EVA1C: variants seen among roughly 807,000 people sequenced by gnomAD.
EVA1C encodes protein eva-1 homolog C.
Under a neutral mutation model 45.4 loss-of-function variants are expected in EVA1C, and 25 were observed. The observed-to-expected ratio is 0.55, with a 90% CI of 0.40 to 0.77. The LOEUF (loss-of-function observed/expected upper bound fraction) is 0.77, where lower values mean the gene tolerates loss of function less well. Ranked by LOEUF, EVA1C falls within the 30% of genes least tolerant of loss-of-function variation. The pLI is 0.00. For missense variants in EVA1C, 479 were observed against 554.8 expected (o/e 0.86, Z 1.37); for synonymous variants, 190 against 221.2 (o/e 0.86, Z 1.25).
At chr21:32,438,322 C>A (rs1315712104) in intron 1 of EVA1C, among the ~76,000 whole-genome samples, 2 of 151,820 alleles carry the variant, frequency 1.3e-5, no homozygotes, top group Admixed American at 1.3e-4. Flanking sequence ...TATGGCAAAA[C>A]CCCATCTCTA....
In EVA1C at chr21:32,515,181, G is replaced by A. The variant is rs564813412; in HGVS notation, c.1317G>A (p.Gln439=). 92 of 1,581,090 alleles carry A rather than the reference G, an allele frequency of 5.8e-5. No individual in the cohort carries two copies. The highest frequency in any genetic ancestry group is 5.1e-4 in the Middle Eastern group (3 of 5,894). The change falls in exon 8 of 8, where the codon CAG becomes CAA. Residue 439 remains glutamine (Q), a synonymous_variant. Coordinates refer to ENST00000300255, the MANE Select transcript of EVA1C (RefSeq NM_058187.5). ...CCTCGCTCCCAAGAAACATGGGCCA[G>A]TTCTACTGAAAACCACATGCATCTT... The part of the protein sequence containing the change: ...LDTSLPRNMG[Q]FY
intron 5 of EVA1C, chr21:32,497,357 G>A (rs1357105844): frequency 4.7e-6 from 2 of 428,792 alleles, no homozygotes; most frequent in African/African-American, 4.1e-5. Context: ...AGAAACCATG[G>A]GTTTCCTGGG....
chr21:32,487,494 T>C (rs2037010149), intron 4 of EVA1C, among the ~76,000 whole-genome samples: 1 of 152,018 alleles, frequency 6.6e-6, no homozygotes, highest in Admixed American at 6.6e-5. Flanking sequence ...CCAAGGCAGG[T>C]GGATCACCTG....
At chr21:32,496,881 T>C in intron 5 of EVA1C, 2 of 1,069,112 alleles carry the variant, frequency 1.9e-6, no homozygotes, top group Non-Finnish European at 2.9e-6. Flanking sequence ...TATTCAGAGT[T>C]GATGTTGGAG....
intron 1 of EVA1C, among the ~76,000 whole-genome samples, chr21:32,420,114 T>A (rs940259614): frequency 3.0e-4 from 45 of 152,304 alleles, no homozygotes; most frequent in Admixed American, 1.3e-4. Flanking sequence ...TTGGTTTCCC[T>A]CAGTATGAGT....
intron 2 of EVA1C, 95 bp from the exon 3 acceptor site, chr21:32,457,502 C>T: frequency 1.3e-6 from 2 of 1,502,894 alleles, no homozygotes; most frequent in Non-Finnish European, 9.2e-7. Context: ...GGGAGGCGTC[C>T]TTCCCTTTGC....
At chr21:32,441,016 C>T (rs568845448) in intron 1 of EVA1C, among the ~76,000 whole-genome samples, 1 of 152,156 alleles carries the variant, frequency 6.6e-6, no homozygotes, top group Non-Finnish European at 1.5e-5. Flanking sequence ...GCAAGAGAAT[C>T]GCTTGAGTCC....
intron 7 of EVA1C, among the ~76,000 whole-genome samples, 181 bp downstream of exon 7, chr21:32,504,196 C>T (rs191107932): frequency 2.5e-4 from 38 of 152,312 alleles, no homozygotes; most frequent in Non-Finnish European, 4.6e-4. Flanking sequence ...CAGTTGTAAC[C>T]AGGCAGTCAG....
Position 32,474,126 on chromosome 21 carries a change from C to A in EVA1C, c.634+6278C>A. 4.9e-6 allele frequency: 1 copy of A among 203,994 alleles called. No individual in the cohort carries two copies. 12.6% of individuals were successfully genotyped at this position (203,994 alleles called of 1,614,324 possible). ...ATGAAGTCTTGCTATTTTGCCCAGG[C>A]TGGTCTTCAACTCCTGGCCTCAAGT... is the stretch of plus-strand genomic sequence containing the variant. On this transcript the variant is annotated intron_variant, in intron 4 of 7. Transcript: ENST00000300255. The surrounding 1 kb of genome is among the most constrained non-coding windows in gnomAD (Gnocchi z 4.4).
intron 1 of EVA1C, among the ~76,000 whole-genome samples, chr21:32,418,478 C>G (rs2034139298): frequency 6.6e-6 from 1 of 152,160 alleles, no homozygotes; most frequent in Non-Finnish European, 1.5e-5. Flanking sequence ...GGGAGCCTAG[C>G]AGCAGTTTCA....
At chr21:32,446,581 C>A (rs750256486) in intron 1 of EVA1C, among the ~76,000 whole-genome samples, 14 of 152,186 alleles carry the variant, frequency 9.2e-5, no homozygotes, top group Non-Finnish European at 1.8e-4. Flanking sequence ...CATGACTCTG[C>A]CCAGCACACT....
chr21:32,413,619 C>T (rs932636468), intron 1 of EVA1C, among the ~76,000 whole-genome samples: 2 of 152,224 alleles, frequency 1.3e-5, no homozygotes, highest in Non-Finnish European at 2.9e-5. Flanking sequence ...ATAATGACTT[C>T]CTACTCTCGA....
chr21:32,500,926 G>C (rs2037509196), intron 5 of EVA1C, among the ~76,000 whole-genome samples: 2 of 151,942 alleles, frequency 1.3e-5, no homozygotes, highest in South Asian at 2.1e-4. Context: ...AATTCTCCCT[G>C]CTTTAGCCTC....
intron 4 of EVA1C, among the ~76,000 whole-genome samples, chr21:32,479,597 C>T (rs1011130476): frequency 7.2e-5 from 11 of 152,188 alleles, no homozygotes. Flanking sequence ...TCTTGGGCCT[C>T]TTCCTGTGGG....
intron 1 of EVA1C, among the ~76,000 whole-genome samples, chr21:32,447,957 G>A (rs959177411): frequency 1.3e-5 from 2 of 151,976 alleles, no homozygotes; most frequent in African/African-American, 4.8e-5. Context: ...CGCCTGCCTC[G>A]GCCTCCCAAA....
At chr21:32,428,278 T>C (rs551607794) in intron 1 of EVA1C, 4 of 152,276 alleles carry the variant, frequency 2.6e-5, no homozygotes, top group East Asian at 1.9e-4. Context: ...AAAGTTCCCT[T>C]AAAGCCCTGA....
Position 32,455,451 on chromosome 21 carries a change from G to T in EVA1C, c.357+1943G>T, listed in dbSNP as rs1421266924. The stretch of plus-strand genomic sequence containing the variant: ...CAATTACATTTCAATGTGAGTTTTG[G>T]GGGGGATAAACATTCCAGCCATAGC... On this transcript the variant is annotated intron_variant, in intron 2 of 7. Transcript: ENST00000300255. Among the ~76,000 whole-genome samples the T allele has an allele frequency of 2.6e-5, 4 of 151,882 alleles. No individual in the cohort carries two copies. The East Asian group carries it at 5.8e-4, about 22-fold the overall frequency.
At chr21:32,442,187 GT>G (rs1460719509) in intron 1 of EVA1C, among the ~76,000 whole-genome samples, 1 of 152,170 alleles carries the variant, frequency 6.6e-6, no homozygotes, top group African/African-American at 2.4e-5. Flanking sequence ...TCTGTGGTTT[GT>G]TTCAGGACTA....
chr21:32,514,138 G>A (rs982046031), intron 7 of EVA1C, among the ~76,000 whole-genome samples: 3 of 152,128 alleles, frequency 2.0e-5, no homozygotes, highest in African/African-American at 4.8e-5. Flanking sequence ...TGACTCAAGC[G>A]TCCGTGAATT....
Sources: gnomAD v4.1 joint callset for allele counts (sites outside exome capture counted in the v4.1 genomes callset) on GRCh38, gnomAD v4.1.1 for gene constraint, Gnocchi (gnomAD v3.1) non-coding constraint, MANE v1.5 for transcripts, NCBI Gene and HGNC (gene_info 2026-07-23, HGNC 2026-07-21) for gene names.